The following NMD3 variants were observed in gnomAD, a reference collection of about 807,000 sequenced individuals.
The protein encoded by NMD3 is NMD3 ribosome export adaptor.
In NMD3, 47 loss-of-function variants were observed where a neutral mutation model predicts 73.1. The ratio of observed to expected loss-of-function variants is 0.64; its 90% CI spans 0.51 to 0.82. The LOEUF (loss-of-function observed/expected upper bound fraction) is 0.82, where lower values mean the gene tolerates loss of function less well. Among genes scored for constraint, NMD3 ranks in the 40% least tolerant of loss-of-function variants. NMD3 has a pLI of 0.00. For missense variants in NMD3, 554 were observed against 612.5 expected (o/e 0.90, Z 1.01); for synonymous variants, 210 against 194.5 (o/e 1.08, Z -0.66).
chr3:161,239,853 T>C (rs1047372215), intron 9 of NMD3, among the ~76,000 whole-genome samples: 9 of 152,290 alleles, frequency 5.9e-5, no homozygotes, highest in African/African-American at 1.9e-4. Flanking sequence ...TGTACAAAAG[T>C]AGCATGGGTA....
At position 161,251,498 on chromosome 3, in the gene NMD3, C is replaced by A; in HGVS notation, c.*588C>A. 6.6e-6 allele frequency: 1 copy of A among 152,016 alleles called. No homozygotes were observed. The highest frequency in any genetic ancestry group is 1.5e-5 in the Non-Finnish European group (1 of 68,000). 9.4% of individuals were successfully genotyped at this position (152,016 alleles called of 1,614,324 possible). On this transcript the variant is annotated 3_prime_UTR_variant, in exon 16 of 16. Coordinates refer to ENST00000351193, the MANE Select transcript of NMD3 (RefSeq NM_015938.5). ...CAAAAGCCGTTAAACAGAGAGTTAT[C>A]TTAATTTTTATTGCAGTAGGAGGAA...
At chr3:161,234,439 TTA>T (rs59829615) in intron 5 of NMD3, among the ~76,000 whole-genome samples, 22,014 of 145,398 alleles carry the variant, frequency 0.15, 2,536 homozygotes, top group African/African-American at 0.31. Context: ...TCAAAAAAAA[TTA>T]TATATATATA....
intron 11 of NMD3, among the ~76,000 whole-genome samples, chr3:161,242,916 G>A (rs1329648899): frequency 5.9e-5 from 9 of 151,912 alleles, no homozygotes; most frequent in Admixed American, 3.9e-4. Flanking sequence ...TTTAAAAAAG[G>A]CATTTCTTTG....
At chr3:161,221,689 T>C in intron 1 of NMD3, 1 of 207,948 alleles carries the variant, frequency 4.8e-6, no homozygotes, top group Non-Finnish European at 9.6e-6. Context: ...AATCCCGAGC[T>C]GACCTCGCCC....
chr3:161,248,394 G>T (rs1368850378), intron 13 of NMD3, among the ~76,000 whole-genome samples: 1 of 152,010 alleles, frequency 6.6e-6, no homozygotes. Context: ...GGAGGCTGAG[G>T]CAGGAGAATT....
chr3:161,247,063 GT>G (rs1737241145), intron 12 of NMD3, among the ~76,000 whole-genome samples, 194 bp from the exon 13 acceptor site: 1 of 152,128 alleles, frequency 6.6e-6, no homozygotes, highest in Non-Finnish European at 1.5e-5. Flanking sequence ...TTGATTATAA[GT>G]GAAACTCAGA....
intron 11 of NMD3, among the ~76,000 whole-genome samples, chr3:161,245,161 T>TGC (rs1553793495): frequency 5.3e-5 from 8 of 151,780 alleles, no homozygotes; most frequent in East Asian, 1.9e-4. Context: ...TGTGTGTGTG[T>TGC]GCGTGCTAAT....
At chr3:161,226,350 A>G (rs909022191) in intron 3 of NMD3, among the ~76,000 whole-genome samples, 1 of 151,724 alleles carries the variant, frequency 6.6e-6, no homozygotes, top group Non-Finnish European at 1.5e-5. Context: ...GCTACTCGAG[A>G]GGCAGGAGAA....
chr3:161,225,884 A>G (rs1304161540), intron 3 of NMD3, among the ~76,000 whole-genome samples: 5 of 152,070 alleles, frequency 3.3e-5, no homozygotes, highest in Non-Finnish European at 7.4e-5. Context: ...ATATACATAT[A>G]TATACACAAA....
intron 4 of NMD3, among the ~76,000 whole-genome samples, chr3:161,231,942 G>T (rs182084792): frequency 1.1e-3 from 164 of 152,062 alleles, no homozygotes; most frequent in African/African-American, 3.8e-3. Flanking sequence ...GGGAAATAGG[G>T]GTGACTGAGG....
intron 10 of NMD3, 79 bp downstream of exon 10, chr3:161,241,242 A>G (rs1736973963): frequency 3.4e-6 from 3 of 875,278 alleles, no homozygotes; most frequent in East Asian, 2.5e-5. Flanking sequence ...TAATTTTTCA[A>G]GCATTCTTGC....
chr3:161,238,140 A>G lies in NMD3; in HGVS notation c.605A>G (p.Lys202Arg). ...HDGLDFYYSS[K>R]QHAQKMVEFL... ...GGTCTGGATTTTTATTATTCCTCAAAACAACATGCTCAGAAGATGGTCGAA... is the reference window on the plus strand; with the variant it reads ...GGTCTGGATTTTTATTATTCCTCAAGACAACATGCTCAGAAGATGGTCGAA... The change falls in exon 8 of 16, where the codon AAA becomes AGA. Residue 202 changes from lysine (K) to arginine (R), a missense_variant. By Grantham distance (26) the Lys-to-Arg change is conservative (BLOSUM62 2). Transcript: ENST00000351193. 1 of 1,605,706 alleles carries G rather than the reference A, an allele frequency of 6.2e-7. No homozygotes were observed. Among genetic ancestry groups the G allele is most frequent in the African/African-American group, 1.3e-5 (1 of 74,352 alleles).
At chr3:161,248,786 A>G (rs1461310755) in intron 13 of NMD3, among the ~76,000 whole-genome samples, 2 of 152,162 alleles carry the variant, frequency 1.3e-5, no homozygotes, top group African/African-American at 4.8e-5. Context: ...ATACTTGCTT[A>G]ATCTTTTAGA....
rs11395556 is a variant in NMD3, at chr3:161,223,496, C to CTT, written c.45-1424_45-1423dup. On this transcript the variant is annotated intron_variant, in intron 2 of 15. Coordinates refer to ENST00000351193, the MANE Select transcript of NMD3 (RefSeq NM_015938.5). ...TGTTTATATTTCAGCAGTCCTTATG[C>CTT]TTTTTTTTTTTAATTGCCTTTGGAG... Among the ~76,000 whole-genome samples, 76 of 147,242 alleles carry CTT rather than the reference C, an allele frequency of 5.2e-4. No homozygotes were observed. In the South Asian group the frequency reaches 5.9e-3, roughly 12 times the overall value.
At chr3:161,230,938 G>T (rs1736517542) in intron 4 of NMD3, among the ~76,000 whole-genome samples, 1 of 152,182 alleles carries the variant, frequency 6.6e-6, no homozygotes, top group East Asian at 1.9e-4. Context: ...TAGAGGAAAT[G>T]CACCAGGACA....
chr3:161,222,368 C>T (rs1174571462), intron 2 of NMD3, among the ~76,000 whole-genome samples: 2 of 151,082 alleles, frequency 1.3e-5, no homozygotes, highest in African/African-American at 2.4e-5. Flanking sequence ...TTTTTTGAGA[C>T]GGAATCTCGC....
At chr3:161,235,586 G>A (rs74862034) in intron 7 of NMD3, among the ~76,000 whole-genome samples, 2,537 of 152,192 alleles carry the variant, frequency 0.017, 76 homozygotes, top group African/African-American at 0.059. Context: ...GAGTGACATT[G>A]AAAAGAGTTA....
chr3:161,252,472 T>C (rs1416789853), downstream of NMD3, among the ~76,000 whole-genome samples: 1 of 152,236 alleles, frequency 6.6e-6, no homozygotes, highest in Non-Finnish European at 1.5e-5. Context: ...CTCATTTTGA[T>C]GTTCTATTAA....
rs530981262 is a variant in NMD3 at position 161,244,919 on chromosome 3, A to C, written c.1018-1417A>C. The stretch of plus-strand genomic sequence containing the variant: ...TTTTTTGAAATCCTCATATTGCCCT[A>C]AATTTATTCAATGGGAGCCCCTTCA... On this transcript the variant is annotated intron_variant, in intron 11 of 15. Coordinates refer to ENST00000351193, the MANE Select transcript of NMD3 (RefSeq NM_015938.5). 2.6e-5 allele frequency among the ~76,000 whole-genome samples: 4 copies of C among 152,058 alleles called. No homozygotes were observed. The South Asian group carries it at 8.3e-4, about 32-fold the overall frequency.
Sources: gnomAD v4.1 joint callset for allele counts (sites outside exome capture counted in the v4.1 genomes callset) on GRCh38, gnomAD v4.1.1 for gene constraint, MANE v1.5 for transcripts, NCBI Gene and HGNC (gene_info 2026-07-23, HGNC 2026-07-21) for gene names.